Variants in ZZEF1 observed in about 807,000 individuals in gnomAD.
ZZEF1 encodes the protein zinc finger ZZ-type and EF-hand domain-containing protein 1.
Under a neutral mutation model 342.8 loss-of-function variants are expected in ZZEF1, and 157 were observed. The observed-to-expected ratio is 0.46, with a 90% CI of 0.40 to 0.52. The LOEUF (loss-of-function observed/expected upper bound fraction) is 0.52. Among genes scored for constraint, ZZEF1 ranks in the 20% least tolerant of loss-of-function variants. ZZEF1 has a pLI of 0.00. For synonymous variants in ZZEF1, 1,505 were observed against 1,429.1 expected, an observed-to-expected ratio of 1.05 and a Z score of -1.20; for missense variants, 3,480 against 3,725.6, an observed-to-expected ratio of 0.93 and a Z score of 1.72.
rs1271338000 is a variant in ZZEF1, at chr17:4,082,069, T to C, written c.2714+368A>G. On this transcript the variant is annotated intron_variant, in intron 17 of 54. Transcript: ENST00000381638. Reference sequence around the variant, plus strand: ...AGGCAAAAATCTCGAAGACCTCCCCTCCCAGCACACTTCCTTCCACAAACT... The same window carrying C: ...AGGCAAAAATCTCGAAGACCTCCCCCCCCAGCACACTTCCTTCCACAAACT... 2.0e-5 allele frequency among the ~76,000 whole-genome samples: 3 copies of C among 152,292 alleles called. No individual in the cohort carries two copies. In the East Asian group the frequency reaches 5.8e-4, roughly 29 times the overall value.
At chr17:4,130,018 G>C (rs980551256) in intron 1 of ZZEF1, among the ~76,000 whole-genome samples, 4 of 152,192 alleles carry the variant, frequency 2.6e-5, no homozygotes, top group Non-Finnish European at 5.9e-5. Flanking sequence ...CCTAAGGTGG[G>C]AGGGTGAGAG....
intron 2 of ZZEF1, among the ~76,000 whole-genome samples, chr17:4,120,064 T>C (rs75902677): frequency 6.0e-4 from 92 of 152,304 alleles, no homozygotes; most frequent in Non-Finnish European, 1.2e-3. Flanking sequence ...CTTAAAATTC[T>C]GTTCCTCAAA....
rs2056150802 is a variant in ZZEF1, at chr17:4,017,788, G to A, written c.7641+48C>T. 2 of 1,613,662 alleles carry A rather than the reference G, an allele frequency of 1.2e-6. No homozygotes were observed. The highest frequency in any genetic ancestry group is 8.5e-7 in the Non-Finnish European group (1 of 1,179,934). Reference sequence around the variant, plus strand: ...AGCCTTCTTACAGTGGTGGTATGGGGTGGGGGATGGGGTGCAGATACTTTG... The same window carrying A: ...AGCCTTCTTACAGTGGTGGTATGGGATGGGGGATGGGGTGCAGATACTTTG... On this transcript the variant is annotated intron_variant, in intron 47 of 54. Coordinates refer to ENST00000381638, the MANE Select transcript of ZZEF1 (RefSeq NM_015113.4). The surrounding 1 kb of genome is among the most constrained non-coding windows in gnomAD (Gnocchi z 5.1).
intron 2 of ZZEF1, among the ~76,000 whole-genome samples, chr17:4,118,305 C>T (rs924388053): frequency 2.6e-5 from 4 of 152,190 alleles, no homozygotes; most frequent in Admixed American, 2.6e-4. Flanking sequence ...TCAGGTCACA[C>T]GGTAAATTGC....
intron 11 of ZZEF1, among the ~76,000 whole-genome samples, chr17:4,094,289 G>A (rs1174328453): frequency 1.3e-5 from 2 of 151,972 alleles, no homozygotes; most frequent in East Asian, 3.9e-4. Flanking sequence ...CTACAGGCGC[G>A]TGATACCATG....
Position 4,014,518 on chromosome 17 carries a change from A to G in ZZEF1, c.8146-3T>C. On this transcript the variant is annotated splice_polypyrimidine_tract_variant and splice_region_variant and intron_variant, in intron 49 of 54. Coordinates refer to ENST00000381638, the MANE Select transcript of ZZEF1 (RefSeq NM_015113.4). This position sits in a 1 kb window ranked among gnomAD's most constrained non-coding sequence, Gnocchi z 4.4. ...GCACCAGGAATGTGAACTTTATCCTAGGGAGGGGAAATGGAGAACACATCT... is the reference window on the plus strand; with the variant it reads ...GCACCAGGAATGTGAACTTTATCCTGGGGAGGGGAAATGGAGAACACATCT... The G allele has an allele frequency of 1.2e-6, 2 of 1,614,044 alleles. No individual in the cohort carries two copies. The highest frequency in any genetic ancestry group is 1.7e-6 in the Non-Finnish European group (2 of 1,179,946).
At chr17:4,062,592 G>A (rs137945509) in intron 30 of ZZEF1, among the ~76,000 whole-genome samples, 161 bp downstream of exon 30, 108 of 152,184 alleles carry the variant, frequency 7.1e-4, no homozygotes, top group African/African-American at 2.6e-3. Flanking sequence ...CATATTAAAA[G>A]GATATAACCC....
intron 9 of ZZEF1, among the ~76,000 whole-genome samples, chr17:4,097,955 AAGGTGGGTGTGGTGGCTCACACCTAT>A (rs2058065569): frequency 6.7e-6 from 1 of 148,736 alleles, no homozygotes; most frequent in South Asian, 2.1e-4. Context: ...AGCAAAAATC[AAGGTGGGTGTGGTGGCTCACACCTAT>A]AATCCCAGCA....
At chr17:4,054,013 T>C in intron 34 of ZZEF1, 44 bp downstream of exon 34, 1 of 1,556,612 alleles carries the variant, frequency 6.4e-7, no homozygotes, top group South Asian at 1.2e-5. Flanking sequence ...AAATCAGAAG[T>C]GATATTGCCT....
At chr17:4,088,637 T>C (rs751670562) in intron 13 of ZZEF1, 41 bp downstream of exon 13, 1 of 1,601,618 alleles carries the variant, frequency 6.2e-7, no homozygotes, top group East Asian at 2.2e-5. Context: ...GTCATTCACT[T>C]TTCCTAAAGG....
chr17:4,058,992 T>C (rs1476253296), intron 31 of ZZEF1, among the ~76,000 whole-genome samples, 179 bp downstream of exon 31: 3 of 152,048 alleles, frequency 2.0e-5, no homozygotes, highest in Admixed American at 2.0e-4. Flanking sequence ...GAAAAAGGAC[T>C]GGGAGAAAAT....
chr17:4,104,907 A>G, intron 7 of ZZEF1, 96 bp from the exon 8 acceptor site: 1 of 1,019,054 alleles, frequency 9.8e-7, no homozygotes, highest in Non-Finnish European at 1.4e-6. Context: ...AGTAACATTA[A>G]CCTGCCATAT....
At chr17:4,042,604 ATCTCC>A in intron 38 of ZZEF1, 36 bp from the exon 39 acceptor site, 1 of 1,604,744 alleles carries the variant, frequency 6.2e-7, no homozygotes, top group Non-Finnish European at 8.5e-7. Flanking sequence ...ATTTGCCTGC[ATCTCC>A]ACATGTATGA....
intron 52 of ZZEF1, 88 bp from the exon 53 acceptor site, chr17:4,009,845 C>T: frequency 7.0e-7 from 1 of 1,424,724 alleles, no homozygotes; most frequent in Non-Finnish European, 9.5e-7. Flanking sequence ...ACAGCTCAGA[C>T]CCTCCCTCTC....
chr17:4,079,433 GA>G (rs778433530), intron 18 of ZZEF1, among the ~76,000 whole-genome samples: 1 of 152,206 alleles, frequency 6.6e-6, no homozygotes. Context: ...TAAGGATGGA[GA>G]TTCGAATGAG....
chr17:4,066,406 ACAGAAGGCT>A (rs779786123), intron 28 of ZZEF1, 32 bp downstream of exon 28: 1 of 1,599,320 alleles, frequency 6.3e-7, no homozygotes, highest in East Asian at 2.2e-5. Flanking sequence ...TAAAACGAAA[ACAGAAGGCT>A]CAGGGACAAC....
At chr17:4,080,066 C>T (rs1289441103) in intron 18 of ZZEF1, among the ~76,000 whole-genome samples, 1 of 152,132 alleles carries the variant, frequency 6.6e-6, no homozygotes, top group Non-Finnish European at 1.5e-5. Flanking sequence ...TAGAATCTCT[C>T]GGGGTGCTTA....
At chr17:4,060,937 T>A (rs1479865423) in intron 30 of ZZEF1, among the ~76,000 whole-genome samples, 1 of 152,228 alleles carries the variant, frequency 6.6e-6, no homozygotes, top group Non-Finnish European at 1.5e-5. Context: ...AGTTTCCTTA[T>A]CACTGATTCA....
rs577156205 is a variant in ZZEF1, at chr17:4,041,983, CATA to C, written c.6306+443_6306+445del. Reference sequence around the variant, plus strand: ...TTCTATCAATGCTAAAAACTGTAAGCATAATAATGACATTGTGGTTATATAGGA... The same window carrying C: ...TTCTATCAATGCTAAAAACTGTAAGCATAATGACATTGTGGTTATATAGGA... On this transcript the variant is annotated intron_variant, in intron 39 of 54. Coordinates refer to ENST00000381638, the MANE Select transcript of ZZEF1 (RefSeq NM_015113.4). 4.8e-3 allele frequency among the ~76,000 whole-genome samples: 730 copies of C among 151,988 alleles called. 5 individuals carry two copies. The highest frequency in any genetic ancestry group is 0.017 in the African/African-American group (709 of 41,466).
Sources: gnomAD v4.1 joint callset for allele counts (sites outside exome capture counted in the v4.1 genomes callset) on GRCh38, gnomAD v4.1.1 for gene constraint, Gnocchi (gnomAD v3.1) non-coding constraint, MANE v1.5 for transcripts, NCBI Gene and HGNC (gene_info 2026-07-23, HGNC 2026-07-21) for gene names.